The following ATE1 variants were observed in gnomAD, a reference collection of about 807,000 sequenced individuals.
ATE1 encodes the protein arginyltransferase 1.
Under a neutral mutation model 70.5 loss-of-function variants are expected in ATE1, and 36 were observed. The ratio of observed to expected loss-of-function variants is 0.51; its 90% CI spans 0.39 to 0.67. ATE1 has a LOEUF of 0.67. Among genes scored for constraint, ATE1 ranks in the 30% least tolerant of loss-of-function variants. The probability of loss-of-function intolerance (pLI) is 0.00; values close to 1 mark genes in which losing one functional copy is unlikely to be tolerated. For synonymous variants in ATE1, 232 were observed against 219.3 expected, an observed-to-expected ratio of 1.06 and a Z score of -0.51; for missense variants, 593 against 629.5, an observed-to-expected ratio of 0.94 and a Z score of 0.62.
chr10:121,778,331 G>C (rs1211112846), intron 11 of ATE1, among the ~76,000 whole-genome samples: 3 of 152,130 alleles, frequency 2.0e-5, no homozygotes, highest in African/African-American at 2.4e-5. Flanking sequence ...GGAGTGCATC[G>C]TATTTAATGC....
At chr10:121,927,051 T>A (rs1286890218) in intron 1 of ATE1, 1 of 985,358 alleles carries the variant, frequency 1.0e-6, no homozygotes, top group African/African-American at 1.7e-5. Flanking sequence ...TCCACAAAGC[T>A]AGACTGTTCT....
intron 11 of ATE1, among the ~76,000 whole-genome samples, chr10:121,777,511 C>G (rs1431092411): frequency 6.7e-6 from 1 of 150,080 alleles, no homozygotes; most frequent in Non-Finnish European, 1.5e-5. Context: ...CACATGCAGT[C>G]AAGATAGAAA....
At chr10:121,838,489 G>C (rs964553400) in intron 9 of ATE1, among the ~76,000 whole-genome samples, 2 of 152,084 alleles carry the variant, frequency 1.3e-5, no homozygotes, top group Non-Finnish European at 2.9e-5. Context: ...ACCTTCACTT[G>C]AACTTCTTCC....
rs369542293 is a variant in ATE1 at position 121,813,313 on chromosome 10, T to C, written c.1258-23024A>G. 1.1e-4 allele frequency among the ~76,000 whole-genome samples: 17 copies of C among 152,318 alleles called. No individual in the cohort carries two copies. The South Asian group carries it at 2.1e-3, about 19-fold the overall frequency. On this transcript the variant is annotated intron_variant, in intron 10 of 11. Transcript: ENST00000224652. ...CAATTCCTGTTTCTACACAATATTT[T>C]GCCAGCTCTTTATCCCTCCTCATTC...
chr10:121,898,367 C>T (rs1950856002), intron 7 of ATE1, among the ~76,000 whole-genome samples: 1 of 152,264 alleles, frequency 6.6e-6, no homozygotes, highest in East Asian at 1.9e-4. Flanking sequence ...TGCTTAACTG[C>T]AGATTATAAG....
chr10:121,820,995 G>A (rs971282861), intron 10 of ATE1, among the ~76,000 whole-genome samples: 6 of 152,122 alleles, frequency 3.9e-5, no homozygotes, highest in South Asian at 2.1e-4. Flanking sequence ...AGGCTGGAGC[G>A]CAGTGGCGCA....
chr10:121,766,372 T>C (rs1945278200), intron 11 of ATE1, among the ~76,000 whole-genome samples: 1 of 152,158 alleles, frequency 6.6e-6, no homozygotes, highest in African/African-American at 2.4e-5. Context: ...GAGGGAGACC[T>C]ACTTTTCCCT....
intron 11 of ATE1, among the ~76,000 whole-genome samples, chr10:121,778,805 G>T (rs945321864): frequency 1.3e-5 from 2 of 151,868 alleles, no homozygotes; most frequent in Non-Finnish European, 2.9e-5. Flanking sequence ...GTTTCATCAC[G>T]TTGGGCAGGC....
At position 121,811,831 on chromosome 10, in the gene ATE1, C is replaced by G. The variant is rs111789499; in HGVS notation, c.1258-21542G>C. Among the ~76,000 whole-genome samples the G allele has an allele frequency of 4.6e-5, 7 of 152,082 alleles. No individual in the cohort carries two copies. In the East Asian group the frequency reaches 1.3e-3, roughly 29 times the overall value. ...AAAAATATGAAAAACTATTATCACACTCTCATAGTGTTTTCCTTGAGAGCT... is the reference window on the plus strand; with the variant it reads ...AAAAATATGAAAAACTATTATCACAGTCTCATAGTGTTTTCCTTGAGAGCT... On this transcript the variant is annotated intron_variant, in intron 10 of 11. Coordinates refer to ENST00000224652, the MANE Select transcript of ATE1 (RefSeq NM_001001976.3).
At chr10:121,781,577 C>G (rs1945990399) in intron 11 of ATE1, among the ~76,000 whole-genome samples, 1 of 152,152 alleles carries the variant, frequency 6.6e-6, no homozygotes, top group Admixed American at 6.5e-5. Context: ...TTTATTCTCC[C>G]TAGACCCTAC....
chr10:121,760,196 C>T (rs1009894296), intron 11 of ATE1, among the ~76,000 whole-genome samples: 1 of 152,202 alleles, frequency 6.6e-6, no homozygotes, highest in Non-Finnish European at 1.5e-5. Context: ...TTCATGCCTG[C>T]TAACACAATA....
chr10:121,770,168 A>C (rs945347542), intron 11 of ATE1, among the ~76,000 whole-genome samples: 2 of 151,818 alleles, frequency 1.3e-5, no homozygotes, highest in Non-Finnish European at 2.9e-5. Flanking sequence ...CATGCCATGG[A>C]ATACTACTTA....
At chr10:121,902,992 A>G (rs1470755647) in intron 5 of ATE1, among the ~76,000 whole-genome samples, 1 of 146,386 alleles carries the variant, frequency 6.8e-6, no homozygotes, top group African/African-American at 2.5e-5. Context: ...CAACCTCCCG[A>G]GTAGCTGGGA....
intron 10 of ATE1, among the ~76,000 whole-genome samples, chr10:121,814,381 G>T (rs1335953880): frequency 6.6e-6 from 1 of 152,246 alleles, no homozygotes; most frequent in South Asian, 2.1e-4. Context: ...AAAATGATTC[G>T]CACACAATGT....
intron 8 of ATE1, chr10:121,846,738 AAATAAAATG>A: frequency 6.6e-6 from 1 of 150,586 alleles, no homozygotes; most frequent in Non-Finnish European, 1.5e-5. Flanking sequence ...ATAAATAAAT[AAATAAAATG>A]TTATCTGGGC....
chr10:121,798,815 C>T (rs576363572), intron 10 of ATE1, among the ~76,000 whole-genome samples: 1 of 151,854 alleles, frequency 6.6e-6, no homozygotes, highest in Non-Finnish European at 1.5e-5. Flanking sequence ...AGGAGGATCA[C>T]CTGAACCCAG....
At chr10:121,927,659 G>A (rs1952153097) in intron 1 of ATE1, among the ~76,000 whole-genome samples, 185 bp downstream of exon 1, 1 of 152,296 alleles carries the variant, frequency 6.6e-6, no homozygotes, top group African/African-American at 2.4e-5. Flanking sequence ...GGATTTTCCT[G>A]CAGAACAGGC....
At chr10:121,823,385 G>A (rs990305474) in intron 10 of ATE1, among the ~76,000 whole-genome samples, 2 of 152,216 alleles carry the variant, frequency 1.3e-5, no homozygotes, top group Admixed American at 1.3e-4. Flanking sequence ...AGGGAGTAGA[G>A]AAGGTGAAGG....
intron 3 of ATE1, among the ~76,000 whole-genome samples, chr10:121,919,316 TG>T (rs538766865): frequency 6.6e-6 from 1 of 152,042 alleles, no homozygotes; most frequent in African/African-American, 2.4e-5. Context: ...ACCAGCACTT[TG>T]GGGGGCTGAA....
Sources: gnomAD v4.1 joint callset for allele counts (sites outside exome capture counted in the v4.1 genomes callset) on GRCh38, gnomAD v4.1.1 for gene constraint, MANE v1.5 for transcripts, NCBI Gene and HGNC (gene_info 2026-07-23, HGNC 2026-07-21) for gene names.